CFAP276: variants seen among roughly 807,000 people sequenced by gnomAD.
CFAP276 encodes the protein cilia and flagella associated protein 276.
the CFAP276 span, chr1:109,107,890 C>A: frequency 1.3e-6 from 2 of 1,540,834 alleles, no homozygotes; most frequent in Non-Finnish European, 1.8e-6. Flanking sequence ...TAAACGGCTG[C>A]AAAGAGGAAT....
the CFAP276 span, chr1:109,106,547 G>T: frequency 6.2e-7 from 1 of 1,613,924 alleles, no homozygotes; most frequent in Non-Finnish European, 8.5e-7. Flanking sequence ...ATGGATCCTT[G>T]GATGCTGTGG....
the CFAP276 span, chr1:109,112,490 A>G: frequency 1.4e-6 from 2 of 1,411,116 alleles, no homozygotes; most frequent in Non-Finnish European, 1.9e-6. Context: ...CTGGTACCCG[A>G]CTGAGTGTCT....
chr1:109,107,307 G>C, the CFAP276 span, among the ~76,000 whole-genome samples: 1 of 152,172 alleles, frequency 6.6e-6, no homozygotes. Flanking sequence ...TTATCTTTGG[G>C]TTAGGTCTAG....
chr1:109,110,914 T>G, the CFAP276 span, among the ~76,000 whole-genome samples: 1 of 152,206 alleles, frequency 6.6e-6, no homozygotes, highest in Non-Finnish European at 1.5e-5. Context: ...ACCCAGCAGC[T>G]ATCCTAGACT....
chr1:109,111,721 G>C, the CFAP276 span, among the ~76,000 whole-genome samples: 1 of 152,112 alleles, frequency 6.6e-6, no homozygotes, highest in Non-Finnish European at 1.5e-5. Context: ...TCTGGTTCCT[G>C]TTTCCTTCTT....
the CFAP276 span, among the ~76,000 whole-genome samples, chr1:109,112,346 TCA>T: frequency 6.6e-6 from 1 of 152,204 alleles, no homozygotes; most frequent in Non-Finnish European, 1.5e-5. Context: ...TAACTTATAC[TCA>T]CAATTGATTT....
chr1:109,112,726 C>T, the CFAP276 span: 1 of 1,545,406 alleles, frequency 6.5e-7, no homozygotes, highest in Non-Finnish European at 8.7e-7. Context: ...CCCGCTCAGC[C>T]GCAGCACAGC....
the CFAP276 span, chr1:109,112,549 A>G: frequency 1.3e-6 from 2 of 1,546,834 alleles, no homozygotes; most frequent in Non-Finnish European, 1.7e-6. Flanking sequence ...ACAGACAGAA[A>G]GAAGACTACC....
the CFAP276 span, chr1:109,107,830 A>T: frequency 9.5e-7 from 1 of 1,048,136 alleles, no homozygotes; most frequent in Non-Finnish European, 1.4e-6. Context: ...GTAAACCATG[A>T]TCAGGCCACA....
chr1:109,108,673 T>C, the CFAP276 span, among the ~76,000 whole-genome samples: 1 of 152,146 alleles, frequency 6.6e-6, no homozygotes, highest in Non-Finnish European at 1.5e-5. Context: ...GGTGAGACAT[T>C]CTAATGCAAA....
chr1:109,107,215 A>G, the CFAP276 span: 1 of 913,432 alleles, frequency 1.1e-6, no homozygotes, highest in Non-Finnish European at 1.8e-6. Context: ...CCAAAAGTAT[A>G]GTGAAGGCTC....
chr1:109,110,968 G>A, the CFAP276 span, among the ~76,000 whole-genome samples: 3 of 152,114 alleles, frequency 2.0e-5, no homozygotes, highest in African/African-American at 4.8e-5. Flanking sequence ...TCCAAGTCCT[G>A]TCAGTCCTGC....
chr1:109,112,868 C>A, the CFAP276 span: 1 of 932,102 alleles, frequency 1.1e-6, no homozygotes, highest in Non-Finnish European at 1.5e-6. Flanking sequence ...CACGGGAGGC[C>A]CCTGGGGAGG....
the CFAP276 span, chr1:109,106,017 A>G: frequency 6.2e-7 from 1 of 1,606,670 alleles, no homozygotes. Context: ...TAGTTCAGGG[A>G]TCTGTCAACA....
chr1:109,113,413 AGAAAGAG>A, the CFAP276 span, among the ~76,000 whole-genome samples: 3 of 113,458 alleles, frequency 2.6e-5, no homozygotes, highest in Admixed American at 9.5e-5. Context: ...AGAGAGAGAG[AGAAAGAG>A]AGAGAGAGAG....
chr1:109,106,184 GTAC>G, the CFAP276 span: 1 of 1,151,342 alleles, frequency 8.7e-7, no homozygotes, highest in Admixed American at 2.0e-5. Context: ...ACATTTGTAG[GTAC>G]TGTGGAGAAG....
chr1:109,110,051 G>GAA, the CFAP276 span, among the ~76,000 whole-genome samples: 8 of 152,286 alleles, frequency 5.3e-5, no homozygotes, highest in South Asian at 1.5e-3. Context: ...CTTTCACTGA[G>GAA]AAAGTCCAGA....
At chr1:109,106,661 T>C in the CFAP276 span, 16 of 1,613,646 alleles carry the variant, frequency 9.9e-6, no homozygotes, top group South Asian at 1.5e-4. Context: ...ATCTTGGTTC[T>C]AGAAGAAGGC....
the CFAP276 span, among the ~76,000 whole-genome samples, chr1:109,107,524 A>G: frequency 6.6e-6 from 1 of 152,116 alleles, no homozygotes; most frequent in Non-Finnish European, 1.5e-5. Flanking sequence ...TTGGCTTTGG[A>G]TTTGGTAGGA....
Sources: gnomAD v4.1 joint callset for allele counts (sites outside exome capture counted in the v4.1 genomes callset) on GRCh38, gnomAD v4.1.1 for gene constraint, MANE v1.5 for transcripts, NCBI Gene and HGNC (gene_info 2026-07-23, HGNC 2026-07-21) for gene names.